The following DLC1 variants were observed in gnomAD, a reference collection of about 807,000 sequenced individuals.
DLC1 encodes rho GTPase-activating protein 7.
Under a neutral mutation model 140.3 loss-of-function variants are expected in DLC1, and 54 were observed. That is an observed-to-expected ratio of 0.38 (90% confidence interval 0.31 to 0.48). The LOEUF (loss-of-function observed/expected upper bound fraction) is 0.48. Ranked by LOEUF, DLC1 falls within the 20% of genes least tolerant of loss-of-function variation. The pLI, the probability that DLC1 is intolerant of heterozygous loss-of-function variation, is 0.96. For synonymous variants in DLC1, 986 were observed against 728.1 expected, an observed-to-expected ratio of 1.35 and a Z score of -5.70; for missense variants, 2,536 against 1,907.0, an observed-to-expected ratio of 1.33 and a Z score of -6.14.
intron 5 of DLC1, among the ~76,000 whole-genome samples, chr8:13,264,075 T>TATTTATTC (rs1388490783): frequency 6.6e-6 from 1 of 151,474 alleles, no homozygotes; most frequent in African/African-American, 2.4e-5. Context: ...TTTATTTATT[T>TATTTATTC]ATTTATTTAT....
At chr8:13,220,985 AGGTGATCAC>A (rs1828517026) in intron 5 of DLC1, among the ~76,000 whole-genome samples, 1 of 152,154 alleles carries the variant, frequency 6.6e-6, no homozygotes, top group South Asian at 2.1e-4. Context: ...TGAGGGTGTT[AGGTGATCAC>A]ATTTTAAATT....
At chr8:13,364,070 T>A (rs907356503) in intron 4 of DLC1, among the ~76,000 whole-genome samples, 2 of 152,060 alleles carry the variant, frequency 1.3e-5, no homozygotes, top group African/African-American at 4.8e-5. Flanking sequence ...CACGCATGCA[T>A]GTGACTTCAG....
intron 1 of DLC1, among the ~76,000 whole-genome samples, chr8:13,557,339 A>G (rs1585272091): frequency 6.6e-6 from 1 of 152,172 alleles, no homozygotes; most frequent in South Asian, 2.1e-4. Flanking sequence ...GCTGTGCTTC[A>G]TTGGGGTTAC....
chr8:13,602,937 A>C (rs1235316435), intron 1 of DLC1, among the ~76,000 whole-genome samples: 6 of 151,938 alleles, frequency 3.9e-5, no homozygotes, highest in African/African-American at 1.4e-4. Context: ...AAAATAATTG[A>C]ATTTTTAAGG....
chr8:13,192,957 A>G (rs1826848664), intron 5 of DLC1, among the ~76,000 whole-genome samples: 1 of 152,172 alleles, frequency 6.6e-6, no homozygotes, highest in Non-Finnish European at 1.5e-5. Flanking sequence ...GTGGCGTTTA[A>G]TATGGCAGCC....
At chr8:13,541,210 C>G (rs372783104) in intron 1 of DLC1, among the ~76,000 whole-genome samples, 1 of 152,104 alleles carries the variant, frequency 6.6e-6, no homozygotes, top group Admixed American at 6.6e-5. Flanking sequence ...GGTTGGCGGG[C>G]ATTTTGATTG....
intron 4 of DLC1, among the ~76,000 whole-genome samples, chr8:13,329,456 G>A (rs574533478): frequency 1.3e-5 from 2 of 152,208 alleles, no homozygotes; most frequent in East Asian, 3.9e-4. Flanking sequence ...CCCCAGACTG[G>A]TTTAACCCCA....
Position 13,225,176 on chromosome 8 carries a change from C to T in DLC1, c.1348+80093G>A, listed in dbSNP as rs1009160760. Reference sequence around the variant, plus strand: ...ATAGGCTTGTGTAAAAGTGGGTGTGCTGCCTTTTAAAAAAATTATACTTCT... The same window carrying T: ...ATAGGCTTGTGTAAAAGTGGGTGTGTTGCCTTTTAAAAAAATTATACTTCT... On this transcript the variant is annotated intron_variant, in intron 5 of 17. Transcript: ENST00000276297. 2.6e-5 allele frequency among the ~76,000 whole-genome samples: 4 copies of T among 152,038 alleles called. No individual in the cohort carries two copies. The East Asian group carries it at 5.8e-4, about 22-fold the overall frequency.
chr8:13,205,510 C>T (rs534734325), intron 5 of DLC1, among the ~76,000 whole-genome samples: 132 of 151,948 alleles, frequency 8.7e-4, no homozygotes, highest in African/African-American at 3.1e-3. Flanking sequence ...TACATAAGGG[C>T]GGGGGGCCCA....
intron 4 of DLC1, among the ~76,000 whole-genome samples, chr8:13,367,728 G>A (rs894567546): frequency 3.9e-5 from 6 of 152,114 alleles, no homozygotes; most frequent in African/African-American, 1.4e-4. Context: ...TCTCTTTTGT[G>A]TTTTGTTTCA....
At chr8:13,180,960 C>A (rs995765209) in intron 5 of DLC1, among the ~76,000 whole-genome samples, 1 of 151,888 alleles carries the variant, frequency 6.6e-6, no homozygotes, top group African/African-American at 2.4e-5. Flanking sequence ...CTATTTAGCG[C>A]TTGACATATA....
chr8:13,213,279 T>G (rs1357267972), intron 5 of DLC1, among the ~76,000 whole-genome samples: 1 of 152,156 alleles, frequency 6.6e-6, no homozygotes, highest in Non-Finnish European at 1.5e-5. Context: ...TGTATAGAGG[T>G]GCACAGTTGT....
chr8:13,475,070 C>T (rs749930541), intron 2 of DLC1, among the ~76,000 whole-genome samples: 21 of 151,910 alleles, frequency 1.4e-4, no homozygotes, highest in Non-Finnish European at 1.9e-4. Context: ...ACTTCAGCCT[C>T]CCTAAGTGCC....
chr8:13,421,248 T>A (rs1252178156), intron 2 of DLC1, among the ~76,000 whole-genome samples: 1 of 152,142 alleles, frequency 6.6e-6, no homozygotes, highest in Non-Finnish European at 1.5e-5. Flanking sequence ...ATTATTAAGC[T>A]TTTCTGCATA....
intron 4 of DLC1, among the ~76,000 whole-genome samples, chr8:13,317,079 G>C (rs1369514599): frequency 6.6e-6 from 1 of 152,124 alleles, no homozygotes; most frequent in East Asian, 1.9e-4. Context: ...AGTCTACCTT[G>C]GTTCCAGAAA....
In DLC1 at chr8:13,579,545, A is replaced by T. The variant is rs186562399; in HGVS notation, c.-126+24992T>A. On this transcript the variant is annotated intron_variant, in intron 1 of 1. Transcript: ENST00000631382. ...TATTATATTTTATATTATATATTTA[A>T]TATATTATATTTTATATTATATATT... Among the ~76,000 whole-genome samples the T allele has an allele frequency of 4.7e-3, 354 of 75,926 alleles. 27 individuals are homozygous for T. Among genetic ancestry groups the T allele is most frequent in the Non-Finnish European group, 7.4e-3 (264 of 35,888 alleles). 49.8% of individuals were successfully genotyped at this position (75,926 alleles called of 152,430 possible).
chr8:13,412,436 C>A (rs1585062819), intron 2 of DLC1, among the ~76,000 whole-genome samples: 1 of 152,196 alleles, frequency 6.6e-6, no homozygotes, highest in East Asian at 1.9e-4. Flanking sequence ...CATGCAAAGA[C>A]AGTATAATCA....
intron 2 of DLC1, among the ~76,000 whole-genome samples, chr8:13,473,016 A>C (rs1800281678): frequency 6.6e-6 from 1 of 152,220 alleles, no homozygotes; most frequent in Admixed American, 6.5e-5. Context: ...GTTATAGTTG[A>C]AGAGACACAG....
chr8:13,210,846 C>T (rs113767820), intron 5 of DLC1, among the ~76,000 whole-genome samples: 190 of 152,290 alleles, frequency 1.2e-3, no homozygotes, highest in African/African-American at 4.2e-3. Context: ...GCTTTTAAGT[C>T]TCTTTCCCTG....
Sources: allele counts gnomAD v4.1 joint callset (sites outside exome capture counted in the v4.1 genomes callset), GRCh38; gene constraint gnomAD v4.1.1; transcripts MANE v1.5; gene names NCBI Gene and HGNC (gene_info 2026-07-23, HGNC 2026-07-21).